SLC9A6: variants seen among roughly 807,000 people sequenced by gnomAD.
SLC9A6 encodes solute carrier family 9 member A6.
Under a neutral mutation model 45.3 loss-of-function variants are expected in SLC9A6, and 6 were observed. The ratio of observed to expected loss-of-function variants is 0.13; its 90% CI spans 0.07 to 0.26. SLC9A6 has a LOEUF of 0.26. Among genes scored for constraint, SLC9A6 ranks in the 10% least tolerant of loss-of-function variants. The probability of loss-of-function intolerance (pLI) is 1.00; values close to 1 mark genes in which losing one functional copy is unlikely to be tolerated. For missense variants in SLC9A6, 278 were observed against 503.7 expected, an observed-to-expected ratio of 0.55 and a Z score of 4.29; for synonymous variants, 191 against 187.7, an observed-to-expected ratio of 1.02 and a Z score of -0.14.
intron 3 of SLC9A6, among the ~76,000 whole-genome samples, chrX:135,995,930 A>C (rs1164145294): frequency 9.1e-6 from 1 of 109,938 alleles, no homozygotes; most frequent in South Asian, 3.9e-4. Flanking sequence ...TTCTCATGAT[A>C]AACGGCTCAA....
At chrX:136,004,893 T>TA (rs1162949427) in intron 7 of SLC9A6, among the ~76,000 whole-genome samples, 1 of 112,277 alleles carries the variant, frequency 8.9e-6, no homozygotes, top group Non-Finnish European at 1.9e-5. Flanking sequence ...AGTATGGTTA[T>TA]AAAAAATGTT....
chrX:135,991,711 C>T (rs1040677742), intron 2 of SLC9A6, among the ~76,000 whole-genome samples: 10 of 111,514 alleles, frequency 9.0e-5, no homozygotes, highest in Non-Finnish European at 1.9e-4. Context: ...GCCTGCCTTA[C>T]TCGACTTTAC....
chrX:136,008,182 C>T (rs1170561800), intron 7 of SLC9A6, among the ~76,000 whole-genome samples: 5 of 111,899 alleles, frequency 4.5e-5, no homozygotes, highest in African/African-American at 1.6e-4. Context: ...ATAAATTGTG[C>T]TGTATCCATT....
chrX:136,030,390 C>G, intron 15 of SLC9A6: 1 of 418,974 alleles, frequency 2.4e-6, no homozygotes, highest in Non-Finnish European at 4.2e-6. Context: ...TTTCATGTCT[C>G]TGGGCCATCC....
chrX:135,986,308 A>G (rs190720727), intron 2 of SLC9A6, among the ~76,000 whole-genome samples: 48 of 110,461 alleles, frequency 4.3e-4, no homozygotes, highest in African/African-American at 1.5e-3. Context: ...TTTACTCAAC[A>G]CCTAGCTCCT....
At chrX:136,002,549 AT>A (rs1306553063) in intron 7 of SLC9A6, among the ~76,000 whole-genome samples, 11 of 110,366 alleles carry the variant, frequency 1.0e-4, no homozygotes, top group Non-Finnish European at 1.7e-4. Flanking sequence ...TTTAAATTAG[AT>A]TTAATATTTT....
At chrX:135,988,800 G>C (rs782482469) in intron 2 of SLC9A6, among the ~76,000 whole-genome samples, 2 of 108,171 alleles carry the variant, frequency 1.8e-5, no homozygotes, top group Non-Finnish European at 1.9e-5. Flanking sequence ...ACGCGAGTGT[G>C]GGGGGGTCTT....
intron 16 of SLC9A6, among the ~76,000 whole-genome samples, chrX:136,039,820 C>G (rs782730490): frequency 9.0e-6 from 1 of 111,544 alleles, no homozygotes; most frequent in East Asian, 2.8e-4. Context: ...GATTGGTCCC[C>G]ATTTACCTCA....
chrX:136,028,682 A>T (rs1363982165), intron 13 of SLC9A6, among the ~76,000 whole-genome samples: 2 of 112,382 alleles, frequency 1.8e-5, no homozygotes, highest in Non-Finnish European at 3.8e-5. Context: ...TCTTTGAATT[A>T]TGAATCTGGT....
chrX:136,020,166 T>TC (rs1219798425), intron 11 of SLC9A6, among the ~76,000 whole-genome samples: 19 of 109,090 alleles, frequency 1.7e-4, no homozygotes, highest in Non-Finnish European at 2.9e-4. Context: ...AGTTACACAT[T>TC]CCCCCCCCTT....
At chrX:136,042,132 G>C (rs2071522196) in intron 17 of SLC9A6, among the ~76,000 whole-genome samples, 1 of 109,899 alleles carries the variant, frequency 9.1e-6, no homozygotes, top group Admixed American at 9.7e-5. Context: ...TTTGGTGGGG[G>C]GTTGGGGAGG....
intron 17 of SLC9A6, among the ~76,000 whole-genome samples, chrX:136,042,510 TG>T (rs2071531551): frequency 8.9e-6 from 1 of 112,159 alleles, no homozygotes; most frequent in African/African-American, 3.2e-5. Context: ...CTTTGTTAAC[TG>T]CTTTTTTTAG....
Position 135,993,101 on chromosome X carries a change from G to A in SLC9A6, c.170-1685G>A, listed in dbSNP as rs893051913. Among the ~76,000 whole-genome samples the A allele has an allele frequency of 7.1e-5, 8 of 112,250 alleles. No individual in the cohort carries two copies. In the East Asian group the frequency reaches 1.7e-3, roughly 24 times the overall value. ...CCATACAATGAAATATCGTTTGGTC[G>A]TAAAAGTAAATGAGGTTCTGATGCA... On this transcript the variant is annotated intron_variant, in intron 2 of 17. Transcript: ENST00000630721.
rs1302223531 is a variant in SLC9A6 at position 136,043,826 on chromosome X, C to T, written c.1768-626C>T. Among the ~76,000 whole-genome samples the T allele has an allele frequency of 4.7e-4, 52 of 111,816 alleles. No individual in the cohort carries two copies. The Admixed American group carries it at 4.8e-3, about 10-fold the overall frequency. On this transcript the variant is annotated intron_variant, in intron 17 of 17. Transcript: ENST00000630721. ...TTTGGTCGTAATATTTCCATGAGAA[C>T]CAAAGCTTATGGAGCTGCAGTGAGG...
intron 13 of SLC9A6, among the ~76,000 whole-genome samples, chrX:136,026,322 T>C: frequency 8.9e-6 from 1 of 112,011 alleles, no homozygotes; most frequent in Middle Eastern, 4.6e-3. Context: ...AATTCTGTGA[T>C]CTTTGGCAAG....
At chrX:136,006,489 G>A (rs2089658462) in intron 7 of SLC9A6, among the ~76,000 whole-genome samples, 1 of 100,602 alleles carries the variant, frequency 9.9e-6, no homozygotes, top group Non-Finnish European at 2.0e-5. Flanking sequence ...TTAACCTATT[G>A]GAGTAGCAGT....
rs1292191486 is a variant in SLC9A6, at chrX:136,023,346, A to G, written c.1306+649A>G. On this transcript the variant is annotated intron_variant, in intron 12 of 17. Transcript: ENST00000630721. ...ATTTTCAAACAAAAACCAGTAGGTG[A>G]ATGTATAGCAGTTCTTTTCATAATT... Among the ~76,000 whole-genome samples, 3 of 102,486 alleles carry G rather than the reference A, an allele frequency of 2.9e-5. No homozygotes were observed. The Admixed American group carries it at 3.3e-4, about 11-fold the overall frequency. The allele number at this position is 102,486 out of a possible 115,157, so 89.0% of individuals were successfully genotyped here.
Position 135,985,708 on chromosome X carries a change from A to G in SLC9A6, c.50A>G (p.Gln17Arg). 1 of 1,212,009 alleles carries G rather than the reference A, an allele frequency of 8.3e-7. No individual in the cohort carries two copies. The highest frequency in any genetic ancestry group is 3.0e-5 in the East Asian group (1 of 33,834). The change falls in exon 2 of 18, where the codon CAG (glutamine) becomes CGG (arginine). Residue 17 changes from glutamine to arginine, a missense_variant. Gln to Arg is a conservative substitution (Grantham distance 43, BLOSUM62 1). Around this residue, in one of 5 missense-constraint regions of SLC9A6, gnomAD observed 118 missense variants for 209.9 expected, o/e 0.56. Coordinates refer to ENST00000630721, the MANE Select transcript of SLC9A6 (RefSeq NM_001379110.1). The part of the protein sequence containing the change: ...SEKQAEESHR[Q>R]DSANLLIFIL... ...AAGCAAGCCGAGGAGAGCCACCGGC[A>G]GGACAGCGCCAACCTGCTCATCTTC...
At chrX:136,025,866 A>G (rs1024331246) in intron 13 of SLC9A6, among the ~76,000 whole-genome samples, 1 of 111,818 alleles carries the variant, frequency 8.9e-6, no homozygotes, top group Admixed American at 9.5e-5. Flanking sequence ...TTTTGAAAGG[A>G]CACAGTTCCT....
Sources: gnomAD v4.1 joint callset for allele counts (sites outside exome capture counted in the v4.1 genomes callset) on GRCh38, gnomAD v4.1.1 for gene constraint, gnomAD v4.1.1 regional missense constraint, MANE v1.5 for transcripts, NCBI Gene and HGNC (gene_info 2026-07-23, HGNC 2026-07-21) for gene names.